FGF13: variants seen among roughly 807,000 people sequenced by gnomAD.
FGF13 encodes the protein fibroblast growth factor 13, also known as fibroblast growth factor homologous factor 2.
Under a neutral mutation model 19.5 loss-of-function variants are expected in FGF13, and 2 were observed. The observed-to-expected ratio is 0.10, with a 90% confidence interval of 0.04 to 0.32. The LOEUF is 0.32. FGF13 is among the 10% of genes least tolerant of loss of function. The pLI, the probability that FGF13 is intolerant of heterozygous loss-of-function variation, is 1.00. For missense variants in FGF13, 113 were observed against 192.7 expected, an observed-to-expected ratio of 0.59 and a Z score of 2.45; for synonymous variants, 72 against 76.9, an observed-to-expected ratio of 0.94 and a Z score of 0.33.
intron 1 of FGF13, among the ~76,000 whole-genome samples, chrX:138,931,257 T>C (rs977908541): frequency 1.8e-5 from 2 of 111,375 alleles, no homozygotes; most frequent in African/African-American, 6.5e-5. Flanking sequence ...AGGGCTGTTT[T>C]TTTTTTTTAA....
chrX:139,035,541 A>G (rs971074267), intron 1 of FGF13, among the ~76,000 whole-genome samples: 8 of 111,683 alleles, frequency 7.2e-5, no homozygotes, highest in Non-Finnish European at 1.3e-4. Flanking sequence ...CTGAAGAGAA[A>G]CACAGCTTTT....
At chrX:139,176,380 G>GTTTTT (rs36133825) in intron 1 of FGF13, among the ~76,000 whole-genome samples, 1 of 89,046 alleles carries the variant, frequency 1.1e-5, no homozygotes, top group African/African-American at 4.1e-5. Context: ...TTTTTGAAGG[G>GTTTTT]TTTTTTTTTT....
chrX:138,687,827 G>T (rs1260084063), intron 3 of FGF13, among the ~76,000 whole-genome samples: 1 of 111,786 alleles, frequency 8.9e-6, no homozygotes, highest in Non-Finnish European at 1.9e-5. Flanking sequence ...CCACAAAAAA[G>T]AATAAAATCA....
chrX:139,175,591 A>G (rs1426661305), intron 1 of FGF13, among the ~76,000 whole-genome samples: 8 of 111,739 alleles, frequency 7.2e-5, no homozygotes, highest in Admixed American at 2.9e-4. Context: ...CCTAGTTTAT[A>G]GAGAGTTTTT....
intron 1 of FGF13, among the ~76,000 whole-genome samples, chrX:138,939,539 G>T (rs747689413): frequency 1.8e-5 from 2 of 111,437 alleles, no homozygotes; most frequent in South Asian, 7.6e-4. Flanking sequence ...GCAAGTACCT[G>T]ATAGGTATTT....
Position 138,709,072 on chromosome X carries a change from A to G in FGF13, c.188-144T>C, listed in dbSNP as rs1202779669. On this transcript the variant is annotated intron_variant, in intron 1 of 4. Transcript: ENST00000315930. ...TTTTAAGGTGTCTGGAAGAAAGAAA[A>G]CAAACTCTGAGTTTCAGAATAAATT... The G allele has an allele frequency of 5.2e-6, 2 of 383,713 alleles. 1 individual carries two copies. The highest frequency in any genetic ancestry group is 5.1e-5 in the African/African-American group (2 of 39,311). The allele number at this position is 383,713 out of a possible 1,213,427, so 31.6% of individuals were successfully genotyped here.
At chrX:138,703,451 T>TA (rs2089966531) in intron 2 of FGF13, among the ~76,000 whole-genome samples, 1 of 111,960 alleles carries the variant, frequency 8.9e-6, no homozygotes, top group Non-Finnish European at 1.9e-5. Context: ...TCTGGAAAGA[T>TA]ACAGTCCCAA....
At chrX:138,692,198 G>A (rs2089844548) in intron 3 of FGF13, among the ~76,000 whole-genome samples, 2 of 111,331 alleles carry the variant, frequency 1.8e-5, no homozygotes, top group African/African-American at 6.5e-5. Flanking sequence ...CAGTCTTTAT[G>A]CTTTATTATA....
downstream of FGF13, among the ~76,000 whole-genome samples, chrX:138,856,080 T>G (rs762049403): frequency 1.3e-4 from 14 of 110,755 alleles, no homozygotes; most frequent in Non-Finnish European, 2.5e-4. Flanking sequence ...ATTTTTTTGT[T>G]TCATTAAAGT....
At chrX:138,828,518 C>G (rs1159525829) in intron 3 of FGF13, among the ~76,000 whole-genome samples, 9 of 103,680 alleles carry the variant, frequency 8.7e-5, no homozygotes, top group African/African-American at 3.3e-4. Context: ...TGCAGTGAGC[C>G]GAGATCGCGC....
At chrX:139,031,414 A>G (rs147427350) in intron 1 of FGF13, among the ~76,000 whole-genome samples, 3,373 of 110,707 alleles carry the variant, frequency 0.03, 139 homozygotes, top group African/African-American at 0.1. Flanking sequence ...TCTGTAATAA[A>G]TTATAAGGAA....
intron 1 of FGF13, among the ~76,000 whole-genome samples, chrX:139,158,571 C>T (rs1292379652): frequency 1.8e-5 from 2 of 111,046 alleles, no homozygotes; most frequent in African/African-American, 6.6e-5. Flanking sequence ...CCTCTCTGGG[C>T]AGGGCATCTC....
intron 3 of FGF13, among the ~76,000 whole-genome samples, chrX:138,641,129 T>C (rs1335989249): frequency 8.9e-6 from 1 of 112,148 alleles, no homozygotes; most frequent in Non-Finnish European, 1.9e-5. Flanking sequence ...TGTGTCTCAA[T>C]ACATTTTGTT....
At chrX:139,169,098 A>G (rs2084109245) in intron 1 of FGF13, among the ~76,000 whole-genome samples, 1 of 112,200 alleles carries the variant, frequency 8.9e-6, no homozygotes, top group African/African-American at 3.2e-5. Context: ...AACAGGAGGT[A>G]CTAGTATCAT....
At chrX:138,957,192 G>A (rs910308890) in intron 1 of FGF13, among the ~76,000 whole-genome samples, 16 of 111,809 alleles carry the variant, frequency 1.4e-4, no homozygotes, top group South Asian at 3.8e-4. Flanking sequence ...GAGACTGGAA[G>A]TATTGTCCAA....
At chrX:138,775,866 T>C (rs1488270962) in intron 3 of FGF13, among the ~76,000 whole-genome samples, 3 of 112,673 alleles carry the variant, frequency 2.7e-5, no homozygotes, top group African/African-American at 9.7e-5. Context: ...CTCAGGGACT[T>C]TCAAATGTTA....
chrX:139,202,676 G>A (rs966860975), intron 1 of FGF13, among the ~76,000 whole-genome samples: 3 of 111,525 alleles, frequency 2.7e-5, no homozygotes, highest in African/African-American at 9.8e-5. Flanking sequence ...GCGGGGGAGG[G>A]CTGGTGCTGC....
chrX:138,988,189 T>A (rs1312082725), intron 1 of FGF13, among the ~76,000 whole-genome samples: 1 of 111,931 alleles, frequency 8.9e-6, no homozygotes, highest in Non-Finnish European at 1.9e-5. Flanking sequence ...TCCTCTTCTT[T>A]CTCTATACTC....
rs781557813 is a variant in FGF13 at position 138,986,222 on chromosome X, GTTTGTT to G, written c.-112-121578_-112-121573del. Among the ~76,000 whole-genome samples the G allele has an allele frequency of 9.2e-3, 1,024 of 111,790 alleles. 4 individuals are homozygous for G. The highest frequency in any genetic ancestry group is 0.014 in the Middle Eastern group (3 of 217). ...CTGGAAATGTACCAATGGTAGGATT[GTTTGTT>G]TTTAATTTTTTGCCCTATAAGAGCA... On this transcript the variant is annotated intron_variant, in intron 1 of 2. Transcript: ENST00000421460.
Sources: gnomAD v4.1 joint callset for allele counts (sites outside exome capture counted in the v4.1 genomes callset) on GRCh38, gnomAD v4.1.1 for gene constraint, MANE v1.5 for transcripts, NCBI Gene and HGNC (gene_info 2026-07-23, HGNC 2026-07-21) for gene names.